The following HEATR1 variants were observed in gnomAD, a reference collection of about 807,000 sequenced individuals.
The protein encoded by HEATR1 is HEAT repeat-containing protein 1.
A neutral mutation model predicts 248.2 loss-of-function variants in HEATR1; 77 were observed. That is an observed-to-expected ratio of 0.31 (90% CI 0.26 to 0.37). The LOEUF (loss-of-function observed/expected upper bound fraction) is 0.37, where lower values mean the gene tolerates loss of function less well. Ranked by LOEUF, HEATR1 falls within the 10% of genes least tolerant of loss-of-function variation. HEATR1 has a pLI of 1.00. For synonymous variants in HEATR1, 897 were observed against 923.1 expected (o/e 0.97, Z 0.51); for missense variants, 2,420 against 2,504.9 (o/e 0.97, Z 0.72).
At chr1:236,582,924 G>A in intron 18 of HEATR1, 52 bp from the exon 19 acceptor site, 1 of 1,608,232 alleles carries the variant, frequency 6.2e-7, no homozygotes, top group Non-Finnish European at 8.5e-7. Flanking sequence ...GAACATGCTG[G>A]GAGCTTTTTA....
At chr1:236,586,190 T>C in intron 15 of HEATR1, 51 bp downstream of exon 15, 2 of 1,434,206 alleles carry the variant, frequency 1.4e-6, no homozygotes, top group Non-Finnish European at 1.9e-6. Context: ...TTCCTTGTTT[T>C]CTTTTGTGTT....
intron 30 of HEATR1, 92 bp from the exon 31 acceptor site, chr1:236,566,137 C>CA: frequency 8.0e-7 from 1 of 1,256,630 alleles, no homozygotes; most frequent in East Asian, 2.5e-5. Context: ...TCTAGCAGAA[C>CA]AGAGTATACT....
At chr1:236,593,584 G>GAAAAAAAA (rs534009257) in intron 9 of HEATR1, among the ~76,000 whole-genome samples, 2 of 90,830 alleles carry the variant, frequency 2.2e-5, no homozygotes, top group Admixed American at 1.3e-4. Context: ...CCCATTAAGA[G>GAAAAAAAA]AAAAAAAAAA....
chr1:236,587,250 T>C, intron 14 of HEATR1, 152 bp downstream of exon 14: 1 of 379,632 alleles, frequency 2.6e-6, no homozygotes, highest in Non-Finnish European at 4.9e-6. Flanking sequence ...AACTGTATAA[T>C]GAAAGAGAGT....
At chr1:236,583,914 G>A (rs989644466) in intron 17 of HEATR1, among the ~76,000 whole-genome samples, 1 of 152,126 alleles carries the variant, frequency 6.6e-6, no homozygotes, top group Admixed American at 6.5e-5. Flanking sequence ...CTCCAAACCT[G>A]CAGATGATTT....
At chr1:236,554,837 ATAAC>A (rs1426309827) in intron 41 of HEATR1, 85 bp from the exon 42 acceptor site, 3 of 1,204,088 alleles carry the variant, frequency 2.5e-6, no homozygotes, top group Non-Finnish European at 2.3e-6. Context: ...CACTATTAAA[ATAAC>A]TAAATCAGAA....
chr1:236,561,549 A>G (rs1024926430), intron 32 of HEATR1, among the ~76,000 whole-genome samples: 1 of 152,220 alleles, frequency 6.6e-6, no homozygotes, highest in East Asian at 1.9e-4. Context: ...ACCGAATTCT[A>G]TGACATGCTG....
chr1:236,575,753 T>G (rs760413973), intron 22 of HEATR1, among the ~76,000 whole-genome samples: 13 of 152,238 alleles, frequency 8.5e-5, no homozygotes, highest in Non-Finnish European at 1.9e-4. Context: ...CAACAAGTGT[T>G]TCACAACTGC....
rs927085138 is a variant in HEATR1, at chr1:236,586,968, T to C, written c.1715+434A>G. On this transcript the variant is annotated intron_variant, in intron 14 of 44. Transcript: ENST00000366582. ...TGCTTACTTTTTCTTGCAAAAAGCTTTGGTGCCAAAAATGAAATAAACAGA... is the reference window on the plus strand; with the variant it reads ...TGCTTACTTTTTCTTGCAAAAAGCTCTGGTGCCAAAAATGAAATAAACAGA... Among the ~76,000 whole-genome samples the C allele has an allele frequency of 3.3e-5, 5 of 152,120 alleles. No individual in the cohort carries two copies. In the East Asian group the frequency reaches 9.6e-4, roughly 29 times the overall value.
chr1:236,558,152 G>GGA, intron 36 of HEATR1, 85 bp downstream of exon 36: 1 of 1,126,718 alleles, frequency 8.9e-7, no homozygotes, highest in Non-Finnish European at 1.2e-6. Context: ...CTACTCAGAG[G>GGA]AAAAAAAAAA....
chr1:236,566,575 A>T, intron 30 of HEATR1, 71 bp downstream of exon 30: 1 of 1,139,662 alleles, frequency 8.8e-7, no homozygotes, highest in Non-Finnish European at 1.3e-6. Context: ...CCCCATGTTT[A>T]AACTGGACAA....
At chr1:236,564,910 ACAAT>A (rs1448076149) in intron 31 of HEATR1, among the ~76,000 whole-genome samples, 1 of 152,212 alleles carries the variant, frequency 6.6e-6, no homozygotes, top group Non-Finnish European at 1.5e-5. Context: ...GGGAAACTGG[ACAAT>A]CAAATGGAAG....
rs201515471 is a variant in HEATR1, at chr1:236,555,617, G to A, written c.5688C>T (p.Ile1896=). 4 of 1,614,106 alleles carry A rather than the reference G, an allele frequency of 2.5e-6. No individual in the cohort carries two copies. In the Admixed American group the frequency reaches 6.7e-5, roughly 27 times the overall value. Residue 1896 remains isoleucine, a synonymous_variant, in exon 40 of 45, where the codon ATC becomes ATT. Coordinates refer to ENST00000366582, the MANE Select transcript of HEATR1 (RefSeq NM_018072.6). ...LEEVGKTENC[I]IDCLVAMVVK... ...CAACCATGGCTACTAGACAGTCAAT[G>A]ATACAATTTTCCGTTTTTCCAACTT... is the stretch of plus-strand genomic sequence containing the variant.
intron 9 of HEATR1, 24 bp from the exon 10 acceptor site, chr1:236,592,657 T>C: frequency 1.1e-6 from 1 of 920,984 alleles, no homozygotes; most frequent in Non-Finnish European, 1.7e-6. Flanking sequence ...AACAGAAATA[T>C]CAGCATACAT....
intron 10 of HEATR1, among the ~76,000 whole-genome samples, 193 bp from the exon 11 acceptor site, chr1:236,592,303 GTC>G (rs1664059820): frequency 6.6e-6 from 1 of 152,052 alleles, no homozygotes; most frequent in Non-Finnish European, 1.5e-5. Flanking sequence ...TAACAAAATA[GTC>G]TCTCTATAAA....
At chr1:236,586,155 C>G in intron 15 of HEATR1, 86 bp downstream of exon 15, 1 of 1,279,248 alleles carries the variant, frequency 7.8e-7, no homozygotes, top group Non-Finnish European at 1.1e-6. Context: ...GGCATATAAG[C>G]ATGACCAACA....
chr1:236,555,076 C>T (rs1289364520), intron 41 of HEATR1, among the ~76,000 whole-genome samples: 1 of 152,176 alleles, frequency 6.6e-6, no homozygotes, highest in Non-Finnish European at 1.5e-5. Context: ...CGGCCATTTA[C>T]TTTATTCTTT....
intron 33 of HEATR1, 107 bp from the exon 34 acceptor site, chr1:236,559,944 T>C: frequency 8.4e-7 from 1 of 1,192,900 alleles, no homozygotes; most frequent in Non-Finnish European, 1.2e-6. Flanking sequence ...AGTTAAATAA[T>C]TCTGTACTAA....
intron 20 of HEATR1, among the ~76,000 whole-genome samples, chr1:236,578,525 C>A (rs1275929713): frequency 2.0e-5 from 3 of 152,164 alleles, no homozygotes; most frequent in Non-Finnish European, 4.4e-5. Context: ...TTGGCTAATG[C>A]CTTTTCAAAT....
Sources: gnomAD v4.1 joint callset for allele counts (sites outside exome capture counted in the v4.1 genomes callset) on GRCh38, gnomAD v4.1.1 for gene constraint, MANE v1.5 for transcripts, NCBI Gene and HGNC (gene_info 2026-07-23, HGNC 2026-07-21) for gene names.